The following ANKRD62 variants were observed in gnomAD, a reference collection of about 807,000 sequenced individuals.
ANKRD62 encodes ankyrin repeat domain 62.
In ANKRD62, 61 loss-of-function variants were observed where a neutral mutation model predicts 98.8. The observed-to-expected ratio is 0.62, with a 90% CI of 0.50 to 0.76. ANKRD62 has a LOEUF of 0.76. ANKRD62 is among the 30% of genes least tolerant of loss of function. The pLI, the probability that ANKRD62 is intolerant of heterozygous loss-of-function variation, is 0.00. For missense variants in ANKRD62, 933 were observed against 1,082.9 expected (o/e 0.86, Z 1.94); for synonymous variants, 341 against 367.9 (o/e 0.93, Z 0.84).
At chr18:12,096,425 C>T in intron 4 of ANKRD62, 123 bp downstream of exon 4, 5 of 573,520 alleles carry the variant, frequency 8.7e-6, no homozygotes, top group Non-Finnish European at 1.5e-5. Context: ...GAGAGAAATA[C>T]CAGCAGAAGT....
At chr18:12,109,376 G>T (rs1350400159) in intron 8 of ANKRD62, among the ~76,000 whole-genome samples, 1 of 152,200 alleles carries the variant, frequency 6.6e-6, no homozygotes, top group South Asian at 2.1e-4. Flanking sequence ...CTGTGCCTTG[G>T]CCCTTTTTAT....
chr18:12,164,738 A>G, the ANKRD62 span, among the ~76,000 whole-genome samples: 1 of 151,854 alleles, frequency 6.6e-6, no homozygotes, highest in East Asian at 1.9e-4. Flanking sequence ...TTCTTCATTG[A>G]CCCACTGGTT....
the ANKRD62 span, among the ~76,000 whole-genome samples, chr18:12,167,641 G>A: frequency 1.2e-4 from 18 of 152,198 alleles, no homozygotes; most frequent in Non-Finnish European, 5.9e-5. Flanking sequence ...AATCCTTTGC[G>A]TATATACCCA....
At position 12,122,351 on chromosome 18, in the gene ANKRD62, G is replaced by C. The variant is rs1316309694; in HGVS notation, c.1289G>C (p.Arg430Thr). 1.3e-6 allele frequency: 2 copies of C among 1,535,510 alleles called. No homozygotes were observed. The highest frequency in any genetic ancestry group is 1.7e-6 in the Non-Finnish European group (2 of 1,146,692). ...KSKNATAACG[R>T]SIEDQKCYCE... is the part of the protein sequence containing the mutation. ...AAGAATGCAACAGCTGCATGTGGAA[G>C]ATCAATAGAGGATCAAAAATGTTAC... The change falls in exon 11 of 14, where the codon AGA becomes ACA. Residue 430 changes from arginine to threonine, a missense_variant. This residue lies in a region of ANKRD62 where 549 missense variants were observed against 587.9 expected (regional missense o/e 0.93). Transcript: ENST00000587848.
At chr18:12,109,677 T>G (rs1234285157) in intron 8 of ANKRD62, among the ~76,000 whole-genome samples, 1 of 152,196 alleles carries the variant, frequency 6.6e-6, no homozygotes, top group African/African-American at 2.4e-5. Flanking sequence ...CCATATTTTA[T>G]ATAAATATTT....
chr18:12,100,688 G>A (rs1909281682), intron 6 of ANKRD62, among the ~76,000 whole-genome samples: 1 of 152,084 alleles, frequency 6.6e-6, no homozygotes, highest in Non-Finnish European at 1.5e-5. Context: ...GAGAAGCACA[G>A]GCCGTGTTAC....
chr18:12,160,381 A>G, the ANKRD62 span, among the ~76,000 whole-genome samples: 3 of 152,216 alleles, frequency 2.0e-5, no homozygotes, highest in Non-Finnish European at 4.4e-5. Context: ...CCAATAGCTG[A>G]TAAGCATTTC....
At chr18:12,133,068 T>C (rs552302014), downstream of ANKRD62, among the ~76,000 whole-genome samples, 1 of 152,296 alleles carries the variant, frequency 6.6e-6, no homozygotes, top group African/African-American at 2.4e-5. Flanking sequence ...CCATTAAATA[T>C]CTTCCTATAA....
Position 12,094,124 on chromosome 18 carries a change from A to G in ANKRD62, c.107A>G (p.Gln36Arg). ...GFSNPGYRVR[Q>R]KDLGMIHKAA... ...TCAAATCCCGGGTACCGAGTCCGGC[A>G]GAAGGATCTGGGCATGATCCACAAA... The change falls in exon 1 of 14, where the codon CAG becomes CGG. Residue 36 changes from glutamine to arginine, a missense_variant. By Grantham distance (43) the Gln-to-Arg change is conservative. This residue lies in a region of ANKRD62 where 549 missense variants were observed against 587.9 expected (regional missense o/e 0.93). Coordinates refer to ENST00000587848, the MANE Select transcript of ANKRD62 (RefSeq NM_001277333.2). The G allele has an allele frequency of 6.5e-7, 1 of 1,534,288 alleles. No individual in the cohort carries two copies. The highest frequency in any genetic ancestry group is 8.7e-7 in the Non-Finnish European group (1 of 1,146,610).
the ANKRD62 span, among the ~76,000 whole-genome samples, chr18:12,140,875 C>T: frequency 6.6e-6 from 1 of 152,266 alleles, no homozygotes; most frequent in Non-Finnish European, 1.5e-5. Context: ...CTTCTCTCTT[C>T]AAAGCTGCCA....
Position 12,122,515 on chromosome 18 carries a change from A to G in ANKRD62, c.1453A>G (p.Arg485Gly). 1 of 1,513,470 alleles carries G rather than the reference A, an allele frequency of 6.6e-7. No individual in the cohort carries two copies. Among genetic ancestry groups the G allele is most frequent in the East Asian group, 2.5e-5 (1 of 40,718 alleles). The allele number at this position is 1,513,470 out of a possible 1,614,324, so 93.8% of individuals were successfully genotyped here. ...LQGKKKLCNL[R>G]FILQQQEEER... Reference sequence around the variant, plus strand: ...AGGGAAAAAAAAGCTCTGTAATTTGAGGTATCACATTCTAGTTTTAAAGAA... The same window carrying G: ...AGGGAAAAAAAAGCTCTGTAATTTGGGGTATCACATTCTAGTTTTAAAGAA... Residue 485 changes from arginine (R) to glycine (G), a missense_variant and splice_region_variant, in exon 11 of 14, where the codon AGA (arginine) becomes GGA (glycine). By Grantham distance (125) the Arg-to-Gly change is moderately radical. Coordinates refer to ENST00000587848, the MANE Select transcript of ANKRD62 (RefSeq NM_001277333.2).
chr18:12,181,308 A>G, the ANKRD62 span, among the ~76,000 whole-genome samples: 1 of 152,232 alleles, frequency 6.6e-6, no homozygotes, highest in African/African-American at 2.4e-5. Flanking sequence ...ATTAGCCACC[A>G]TAAGAGGTTA....
chr18:12,134,627 TG>T (rs1910053775), downstream of ANKRD62, among the ~76,000 whole-genome samples: 1 of 152,018 alleles, frequency 6.6e-6, no homozygotes, highest in Admixed American at 6.5e-5. Flanking sequence ...ATGCGGTGTT[TG>T]GTTTTTTGTC....
the ANKRD62 span, among the ~76,000 whole-genome samples, chr18:12,146,133 G>A: frequency 3.3e-5 from 5 of 151,408 alleles, no homozygotes; most frequent in African/African-American, 7.3e-5. Flanking sequence ...ACAGCACAGC[G>A]CAGCACGGCT....
At chr18:12,097,497 ACCCAAGATGTTTG>A in intron 4 of ANKRD62, 130 bp from the exon 5 acceptor site, 1 of 887,044 alleles carries the variant, frequency 1.1e-6, no homozygotes. Flanking sequence ...ACCCTTGAGC[ACCCAAGATGTTTG>A]TGTTTATTAG....
the ANKRD62 span, among the ~76,000 whole-genome samples, chr18:12,168,627 T>G: frequency 6.6e-6 from 1 of 152,246 alleles, no homozygotes; most frequent in African/African-American, 2.4e-5. Context: ...GGCTCTTCTT[T>G]CATTCCATGT....
the ANKRD62 span, among the ~76,000 whole-genome samples, chr18:12,158,720 G>C: frequency 2.8e-5 from 4 of 144,266 alleles, no homozygotes; most frequent in Non-Finnish European, 6.0e-5. Flanking sequence ...ATTTTTAGTA[G>C]AGATGGGGTT....
the ANKRD62 span, among the ~76,000 whole-genome samples, chr18:12,174,207 TC>T: frequency 1.6e-4 from 24 of 152,304 alleles, no homozygotes; most frequent in East Asian, 4.2e-3. Flanking sequence ...TTCTTGTTTT[TC>T]TTTCTGTTCT....
chr18:12,115,179 G>T, intron 9 of ANKRD62, 58 bp downstream of exon 9: 1 of 1,347,526 alleles, frequency 7.4e-7, no homozygotes. Flanking sequence ...AAAGATCATG[G>T]TAAAAAACAG....
Sources: allele counts gnomAD v4.1 joint callset (sites outside exome capture counted in the v4.1 genomes callset), GRCh38; gene constraint gnomAD v4.1.1; regional missense constraint gnomAD v4.1.1; transcripts MANE v1.5; gene names NCBI Gene and HGNC (gene_info 2026-07-23, HGNC 2026-07-21).